Variants in ARHGAP44 observed in about 807,000 individuals in gnomAD.
The protein encoded by ARHGAP44 is rho GTPase-activating protein 44.
A neutral mutation model predicts 106.8 loss-of-function variants in ARHGAP44; 43 were observed. The observed-to-expected ratio is 0.40, with a 90% CI of 0.32 to 0.52. The LOEUF is 0.52. Ranked by LOEUF, ARHGAP44 falls within the 20% of genes least tolerant of loss-of-function variation. ARHGAP44 has a pLI of 0.48. For synonymous variants in ARHGAP44, 439 were observed against 410.3 expected (o/e 1.07, Z -0.85); for missense variants, 866 against 1,050.5 (o/e 0.82, Z 2.43).
Position 12,929,208 on chromosome 17 carries a change from A to T in ARHGAP44, c.582+162A>T, listed in dbSNP as rs2038331955. On this transcript the variant is annotated intron_variant, in intron 7 of 20. Coordinates refer to ENST00000379672, the MANE Select transcript of ARHGAP44 (RefSeq NM_014859.6). ...AGCATCTCCAAGGAGTCCAGGATGA[A>T]CCCAAGGAGTTGGGGCTTTGATGGT... The T allele has an allele frequency of 2.1e-5, 12 of 579,264 alleles. No homozygotes were observed. The South Asian group carries it at 2.6e-4, about 13-fold the overall frequency. 35.9% of individuals were successfully genotyped at this position (579,264 alleles called of 1,614,324 possible).
intron 16 of ARHGAP44, chr17:12,973,074 A>G: frequency 2.1e-6 from 1 of 475,644 alleles, no homozygotes; most frequent in Non-Finnish European, 3.7e-6. Context: ...TCAACTCTTC[A>G]GCTGCTCTCT....
intron 16 of ARHGAP44, among the ~76,000 whole-genome samples, chr17:12,961,404 G>A (rs976260224): frequency 7.2e-5 from 11 of 152,234 alleles, no homozygotes; most frequent in African/African-American, 2.6e-4. Context: ...ATAATGTATT[G>A]TTGTACATAA....
intron 1 of ARHGAP44, among the ~76,000 whole-genome samples, chr17:12,887,296 T>C (rs1401795796): frequency 6.6e-6 from 1 of 152,166 alleles, no homozygotes; most frequent in African/African-American, 2.4e-5. Context: ...GGAGTGATCA[T>C]GGCTCACATT....
In ARHGAP44 at chr17:12,887,519, C is replaced by G. The variant is rs67696951; in HGVS notation, c.54-7421C>G. On this transcript the variant is annotated intron_variant, in intron 1 of 20. Transcript: ENST00000379672. ...CCTCCCGAAGTGTTGGGATTACAGA[C>G]GTCAGTGACCATGCCCAGCCTATTT... is the stretch of plus-strand genomic sequence containing the variant. Among the ~76,000 whole-genome samples, 558 of 152,118 alleles carry G rather than the reference C, an allele frequency of 3.7e-3. 3 individuals carry two copies. Among genetic ancestry groups the G allele is most frequent in the African/African-American group, 0.012 (511 of 41,480 alleles).
intron 1 of ARHGAP44, among the ~76,000 whole-genome samples, chr17:12,801,784 A>ATCTTC (rs2034100157): frequency 6.6e-6 from 1 of 152,228 alleles, no homozygotes; most frequent in Admixed American, 6.5e-5. Flanking sequence ...AAGATTAAGC[A>ATCTTC]TAAAATGTTA....
intron 16 of ARHGAP44, among the ~76,000 whole-genome samples, chr17:12,966,392 AGTCTGAAATGTT>A (rs1567713611): frequency 6.6e-6 from 1 of 152,180 alleles, no homozygotes; most frequent in Non-Finnish European, 1.5e-5. Context: ...GCTGGGACCA[AGTCTGAAATGTT>A]GTCAGAGGAC....
chr17:12,928,869 C>T, intron 6 of ARHGAP44, 60 bp from the exon 7 acceptor site: 2 of 1,426,584 alleles, frequency 1.4e-6, no homozygotes, highest in Non-Finnish European at 1.9e-6. Flanking sequence ...TCTCAGTGCT[C>T]CCATGGGATC....
intron 1 of ARHGAP44, among the ~76,000 whole-genome samples, chr17:12,883,428 T>A (rs2036795997): frequency 6.6e-6 from 1 of 151,882 alleles, no homozygotes; most frequent in Non-Finnish European, 1.5e-5. Flanking sequence ...TTCTGTTTAC[T>A]TCTTAAATAT....
At chr17:12,881,017 G>A (rs1348311199) in intron 1 of ARHGAP44, among the ~76,000 whole-genome samples, 1 of 151,922 alleles carries the variant, frequency 6.6e-6, no homozygotes, top group Non-Finnish European at 1.5e-5. Flanking sequence ...TATATATTCA[G>A]TAATAGTTAC....
rs1444760294 is a variant in ARHGAP44 at position 12,819,811 on chromosome 17, A to G, written c.53+29920A>G. ...TGTAGGAGTTCTTTATCTATTTTGCATGTAAGTCATTTGCTGATTGTGTTA... is the reference window on the plus strand; with the variant it reads ...TGTAGGAGTTCTTTATCTATTTTGCGTGTAAGTCATTTGCTGATTGTGTTA... On this transcript the variant is annotated intron_variant, in intron 1 of 20. Transcript: ENST00000379672. 2.0e-5 allele frequency among the ~76,000 whole-genome samples: 3 copies of G among 151,970 alleles called. 1 individual carries two copies. The highest frequency in any genetic ancestry group is 2.0e-4 in the Admixed American group (3 of 15,252).
In ARHGAP44 at chr17:12,980,077, C is replaced by T. The variant is rs776616898; in HGVS notation, c.1783C>T (p.Leu595Phe). 1.9e-6 allele frequency: 3 copies of T among 1,607,076 alleles called. No individual in the cohort carries two copies. The highest frequency in any genetic ancestry group is 2.7e-5 in the African/African-American group (2 of 74,590). The change falls in exon 19 of 21, where the codon CTT becomes TTT. Residue 595 changes from leucine (L) to phenylalanine (F), a missense_variant. By Grantham distance (22) the Leu-to-Phe change is conservative (BLOSUM62 0). Coordinates refer to ENST00000379672, the MANE Select transcript of ARHGAP44 (RefSeq NM_014859.6). Reference protein sequence around the residue: ...ERTSTTKSKELSPGSAQKGSP... With the variant: ...ERTSTTKSKEFSPGSAQKGSP... ...TTTCAGCACAACAAAAAGCAAGGAA[C>T]TTTCTCCAGGCTCTGCACAGAAAGG...
intron 16 of ARHGAP44, among the ~76,000 whole-genome samples, chr17:12,963,089 C>A: frequency 6.7e-6 from 1 of 148,972 alleles, no homozygotes; most frequent in South Asian, 2.2e-4. Context: ...TGTTGTTCAC[C>A]AACCTTGTGG....
intron 1 of ARHGAP44, among the ~76,000 whole-genome samples, chr17:12,868,654 TATTTTTTTA>T (rs2036312372): frequency 6.9e-6 from 1 of 144,262 alleles, no homozygotes; most frequent in Admixed American, 7.2e-5. Context: ...ATATTTTATT[TATTTTTTTA>T]ATTTTTTTTC....
Position 12,949,670 on chromosome 17 carries a change from G to A in ARHGAP44, c.995G>A (p.Arg332Gln), listed in dbSNP as rs778494505. The change falls in exon 12 of 21, where the codon CGA becomes CAA. Residue 332 changes from arginine to glutamine, a missense_variant. By Grantham distance (43) the Arg-to-Gln change is conservative (BLOSUM62 1). Around this residue, in one of 2 missense-constraint regions of ARHGAP44, gnomAD observed 448 missense variants for 646.9 expected, o/e 0.69. Transcript: ENST00000379672. This position sits in a 1 kb window ranked among gnomAD's most constrained non-coding sequence, Gnocchi z 4.1. ...CTAGGAGCTTTGAAATCTTACCTCC[G>A]AGAGTTGCCAGAACCTCTTATGACC... The part of the protein sequence containing the change: ...AIAGALKSYL[R>Q]ELPEPLMTFE... 6.2e-7 allele frequency: 1 copy of A among 1,613,820 alleles called. No homozygotes were observed. The highest frequency in any genetic ancestry group is 8.5e-7 in the Non-Finnish European group (1 of 1,179,854).
In ARHGAP44 at chr17:12,975,289, C is replaced by T. The variant is rs138111094; in HGVS notation, c.1763+979C>T. On this transcript the variant is annotated intron_variant, in intron 18 of 20. Transcript: ENST00000379672. ...GTTTACAATTTCTGTGTTTCTCCTT[C>T]TCTTTATAGTCATAGCAGCCACTTT... 1.0e-2 allele frequency among the ~76,000 whole-genome samples: 1,515 copies of T among 152,200 alleles called. 29 individuals carry two copies. The highest frequency in any genetic ancestry group is 0.035 in the African/African-American group (1,437 of 41,516).
At position 12,851,850 on chromosome 17, in the gene ARHGAP44, A is replaced by C. The variant is rs114200988; in HGVS notation, c.54-43090A>C. On this transcript the variant is annotated intron_variant, in intron 1 of 20. Coordinates refer to ENST00000379672, the MANE Select transcript of ARHGAP44 (RefSeq NM_014859.6). ...TTTGTGTTCATCTCATCGGCCCAAA[A>C]TAGAGACGATGGCCGCATCTGAGTC... Among the ~76,000 whole-genome samples, 906 of 152,134 alleles carry C rather than the reference A, an allele frequency of 6.0e-3. 14 individuals carry two copies. The highest frequency in any genetic ancestry group is 0.021 in the African/African-American group (867 of 41,562).
chr17:12,865,199 T>C (rs1268644716), intron 1 of ARHGAP44, among the ~76,000 whole-genome samples: 1 of 152,086 alleles, frequency 6.6e-6, no homozygotes, highest in African/African-American at 2.4e-5. Context: ...ATTAGAAGAA[T>C]CAGACTAGTG....
At chr17:12,987,027 T>TC (rs2039977116) in intron 20 of ARHGAP44, 1 of 1,309,056 alleles carries the variant, frequency 7.6e-7, no homozygotes, top group East Asian at 2.5e-5. Flanking sequence ...ATAGCTTTTT[T>TC]TTTTTTTTTT....
chr17:12,987,850 C>T (rs1453401933), intron 20 of ARHGAP44: 1 of 152,208 alleles, frequency 6.6e-6, no homozygotes. Flanking sequence ...ATATCAGTAT[C>T]TATTTGGTCT....
Sources: gnomAD v4.1 joint callset for allele counts (sites outside exome capture counted in the v4.1 genomes callset) on GRCh38, gnomAD v4.1.1 for gene constraint, gnomAD v4.1.1 regional missense constraint, Gnocchi (gnomAD v3.1) non-coding constraint, MANE v1.5 for transcripts, NCBI Gene and HGNC (gene_info 2026-07-23, HGNC 2026-07-21) for gene names.